The following DEFB128 variants were observed in gnomAD, a reference collection of about 807,000 sequenced individuals.
DEFB128 encodes beta-defensin 128.
DEFB128 carries 1 observed loss-of-function variant against 2.4 expected under a neutral mutation model. The ratio of observed to expected loss-of-function variants is 0.41; its 90% CI spans 0.15 to 1.96. DEFB128 has a LOEUF of 1.96. Ranked by LOEUF, DEFB128 falls within the 30% of genes most tolerant of loss-of-function variation. The probability of loss-of-function intolerance (pLI) is 0.30; values close to 1 mark genes in which losing one functional copy is unlikely to be tolerated. For synonymous variants in DEFB128, 59 were observed against 39.1 expected (o/e 1.51, Z -1.89); for missense variants, 129 against 104.9 (o/e 1.23, Z -1.00).
chr20:189,541 T>A (rs917209085), intron 1 of DEFB128, 34 bp downstream of exon 1: 4 of 1,600,962 alleles, frequency 2.5e-6, no homozygotes, highest in Admixed American at 1.7e-5. Context: ...TAGTAATATC[T>A]CTTAGGATGT....
chr20:188,206 T>G, intron 1 of DEFB128, 88 bp from the exon 2 acceptor site: 2 of 1,173,300 alleles, frequency 1.7e-6, no homozygotes, highest in Non-Finnish European at 2.5e-6. Flanking sequence ...AGTCATGGCC[T>G]CCTATGGTCC....
At chr20:188,793 T>C (rs897836594) in intron 1 of DEFB128, among the ~76,000 whole-genome samples, 6 of 152,200 alleles carry the variant, frequency 3.9e-5, no homozygotes, top group Admixed American at 2.0e-4. Context: ...GAGAGCTACA[T>C]TGTCACCTTC....
intron 1 of DEFB128, among the ~76,000 whole-genome samples, chr20:188,651 C>A (rs867675480): frequency 6.6e-6 from 1 of 152,184 alleles, no homozygotes; most frequent in South Asian, 2.1e-4. Context: ...TCTCATGGGT[C>A]TCAGCAACAG....
In DEFB128 at chr20:189,594, C is replaced by A. The variant is rs1306955254; in HGVS notation, c.30G>T (p.Leu10=). ...AGTTACCTGTGAGTACCTCAAACAG[C>A]AGAATAATGAGAACCAGAAACAGCT... MKLFLVLII[L]LFEVLTDGAR... is the part of the protein sequence containing the mutation. Residue 10 remains leucine (L), a synonymous_variant, in exon 1 of 2, where the codon CTG becomes CTT. Coordinates refer to ENST00000334391, the MANE Select transcript of DEFB128 (RefSeq NM_001037732.3). 9.3e-6 allele frequency: 15 copies of A among 1,613,856 alleles called. No homozygotes were observed. The highest frequency in any genetic ancestry group is 1.3e-5 in the Non-Finnish European group (15 of 1,179,820).
At position 188,205 on chromosome 20, in the gene DEFB128, C is replaced by T. The variant is rs980710035; in HGVS notation, c.50-87G>A. On this transcript the variant is annotated intron_variant, in intron 1 of 1. Transcript: ENST00000334391. ...TATGTGGTTCCCCACAAGTCATGGC[C>T]TCCTATGGTCCCAAGTGAACATTAT... 37 of 1,190,590 alleles carry T rather than the reference C, an allele frequency of 3.1e-5. No individual in the cohort carries two copies. The Admixed American group carries it at 5.6e-4, about 18-fold the overall frequency. 73.8% of individuals were successfully genotyped at this position (1,190,590 alleles called of 1,614,324 possible).
chr20:189,540 C>A, intron 1 of DEFB128, 35 bp downstream of exon 1: 2 of 1,600,114 alleles, frequency 1.2e-6, no homozygotes, highest in South Asian at 1.1e-5. Context: ...ATAGTAATAT[C>A]TCTTAGGATG....
intron 1 of DEFB128, among the ~76,000 whole-genome samples, chr20:188,571 A>G (rs1483340392): frequency 6.6e-6 from 1 of 152,166 alleles, no homozygotes; most frequent in Non-Finnish European, 1.5e-5. Flanking sequence ...AACATCACAA[A>G]CAAGACTTTT....
intron 1 of DEFB128, among the ~76,000 whole-genome samples, chr20:188,972 G>T (rs2011117206): frequency 6.6e-6 from 1 of 152,082 alleles, no homozygotes; most frequent in Admixed American, 6.6e-5. Context: ...AGTATATTTT[G>T]GGGCCATAAA....
chr20:189,498 T>C, intron 1 of DEFB128, 77 bp downstream of exon 1: 2 of 1,517,306 alleles, frequency 1.3e-6, no homozygotes, highest in Non-Finnish European at 1.8e-6. Flanking sequence ...CAAATATAAA[T>C]AATCTTGAAA....
At chr20:188,183 G>A in intron 1 of DEFB128, 65 bp from the exon 2 acceptor site, 2 of 1,477,456 alleles carry the variant, frequency 1.4e-6, no homozygotes, top group Admixed American at 1.7e-5. Flanking sequence ...AGGTAGGTAT[G>A]TGGTTCCCCA....
intron 1 of DEFB128, 118 bp downstream of exon 1, chr20:189,457 A>G: frequency 8.5e-7 from 1 of 1,176,096 alleles, no homozygotes; most frequent in Non-Finnish European, 1.2e-6. Context: ...TCAGGCAACC[A>G]GGAGAATGGG....
intron 1 of DEFB128, 73 bp from the exon 2 acceptor site, chr20:188,191 C>T (rs1357716941): frequency 1.4e-6 from 2 of 1,404,440 alleles, no homozygotes; most frequent in Non-Finnish European, 2.0e-6. Context: ...ATGTGGTTCC[C>T]CACAAGTCAT....
chr20:187,954 A>G lies in DEFB128; in HGVS notation c.214T>C (p.Ser72Pro), dbSNP rs774167262. 6.1e-5 allele frequency: 98 copies of G among 1,613,950 alleles called. No homozygotes were observed. Among genetic ancestry groups the G allele is most frequent in the Non-Finnish European group, 8.1e-5 (95 of 1,179,978 alleles). The change falls in exon 2 of 2, where the codon TCT (serine) becomes CCT (proline). Residue 72 changes from serine to proline, a missense_variant. Physicochemically the swap from Ser to Pro is moderately conservative, Grantham distance 74 (BLOSUM62 -1). Transcript: ENST00000334391. Reference protein sequence around the residue: ...HVSFKKPHQHSGEKLSVLQDY... With the variant: ...HVSFKKPHQHPGEKLSVLQDY... Reference sequence around the variant, plus strand: ...TGCAGCACACTCAGCTTCTCACCAGAATGTTGATGTGGCTTCTTAAATGAC... The same window carrying G: ...TGCAGCACACTCAGCTTCTCACCAGGATGTTGATGTGGCTTCTTAAATGAC...
chr20:189,629 C>T lies in DEFB128; in HGVS notation c.-6G>A, dbSNP rs1275038296. On this transcript the variant is annotated 5_prime_UTR_variant, in exon 1 of 2. Transcript: ENST00000334391. ...AGAACCAGAAACAGCTTCATATTTA[C>T]AGACTTCCCAAGAGAAAGAGGCAGC... 6.2e-7 allele frequency: 1 copy of T among 1,613,816 alleles called. No homozygotes were observed. The highest frequency in any genetic ancestry group is 1.7e-5 in the Admixed American group (1 of 60,000).
chr20:188,111 T>C lies in DEFB128; in HGVS notation c.57A>G (p.Ala19=). Residue 19 remains alanine, a synonymous_variant, in exon 2 of 2, where the codon GCA becomes GCG. Transcript: ENST00000334391. ...CTTTATTGAAGCATTTTTTGAGTCT[T>C]GCCCCGTCTGTGCATAGGAAACAAC... The part of the protein sequence containing the change: ...ILLFEVLTDG[A]RLKKCFNKVT... 1 of 1,613,844 alleles carries C rather than the reference T, an allele frequency of 6.2e-7. No homozygotes were observed. The highest frequency in any genetic ancestry group is 1.1e-5 in the South Asian group (1 of 91,078).
Position 188,003 on chromosome 20 carries a change from A to G in DEFB128, c.165T>C (p.Asn55=). 6.2e-7 allele frequency: 1 copy of G among 1,614,084 alleles called. No individual in the cohort carries two copies. Among genetic ancestry groups the G allele is most frequent in the Middle Eastern group, 1.7e-4 (1 of 6,060 alleles). The change falls in exon 2 of 2, where the codon AAT becomes AAC. Residue 55 remains asparagine (N), a synonymous_variant. Transcript: ENST00000334391. ...GCLSGKLCCA[N]DEEEKKHVSF... is the part of the protein sequence containing the mutation. The stretch of plus-strand genomic sequence containing the variant: ...ACACATGTTTTTTCTCTTCTTCATC[A>G]TTAGCACAACATAATTTCCCACTTA...
intron 1 of DEFB128, 120 bp downstream of exon 1, chr20:189,455 C>G (rs887775661): frequency 8.7e-7 from 1 of 1,154,012 alleles, no homozygotes; most frequent in African/African-American, 1.5e-5. Flanking sequence ...AGTCAGGCAA[C>G]CAGGAGAATG....
At chr20:188,627 T>G (rs1410757033) in intron 1 of DEFB128, among the ~76,000 whole-genome samples, 2 of 152,202 alleles carry the variant, frequency 1.3e-5, no homozygotes, top group African/African-American at 4.8e-5. Flanking sequence ...AACAGAAATC[T>G]CCCTTTGACA....
At position 187,994 on chromosome 20, in the gene DEFB128, T is replaced by C; in HGVS notation, c.174A>G (p.Glu58=). 6.2e-7 allele frequency: 1 copy of C among 1,614,066 alleles called. No individual in the cohort carries two copies. Among genetic ancestry groups the C allele is most frequent in the Non-Finnish European group, 8.5e-7 (1 of 1,179,896 alleles). The change falls in exon 2 of 2, where the codon GAA becomes GAG. Residue 58 remains glutamate, a synonymous_variant. Coordinates refer to ENST00000334391, the MANE Select transcript of DEFB128 (RefSeq NM_001037732.3). ...SGKLCCANDE[E]EKKHVSFKKP... ...TCTTAAATGACACATGTTTTTTCTCTTCTTCATCATTAGCACAACATAATT... is the reference window on the plus strand; with the variant it reads ...TCTTAAATGACACATGTTTTTTCTCCTCTTCATCATTAGCACAACATAATT...
Sources: allele counts gnomAD v4.1 joint callset (sites outside exome capture counted in the v4.1 genomes callset), GRCh38; gene constraint gnomAD v4.1.1; transcripts MANE v1.5; gene names NCBI Gene and HGNC (gene_info 2026-07-23, HGNC 2026-07-21).